The following COL5A2 variants were observed in gnomAD, a reference collection of about 807,000 sequenced individuals.
COL5A2 encodes the protein collagen alpha-2(V) chain.
Under a neutral mutation model 208.2 loss-of-function variants are expected in COL5A2, and 23 were observed. That is an observed-to-expected ratio of 0.11 (90% CI 0.08 to 0.16). The LOEUF (loss-of-function observed/expected upper bound fraction) is 0.16. Among genes scored for constraint, COL5A2 ranks in the 10% least tolerant of loss-of-function variants. The probability of loss-of-function intolerance (pLI) is 1.00; values close to 1 mark genes in which losing one functional copy is unlikely to be tolerated. For synonymous variants in COL5A2, 625 were observed against 628.5 expected (o/e 0.99, Z 0.08); for missense variants, 1,590 against 1,956.4 (o/e 0.81, Z 3.53).
chr2:189,438,362 T>C, the COL5A2 span, among the ~76,000 whole-genome samples: 3 of 152,250 alleles, frequency 2.0e-5, no homozygotes, highest in African/African-American at 7.2e-5. Context: ...CATTTGCTGG[T>C]ATTTATCCTA....
At chr2:189,066,274 T>C in intron 23 of COL5A2, 116 bp downstream of exon 23, 1 of 956,310 alleles carries the variant, frequency 1.0e-6, no homozygotes, top group African/African-American at 1.6e-5. Flanking sequence ...TGTACTGAAC[T>C]GTGCAGGGAA....
At chr2:189,432,494 A>T in the COL5A2 span, among the ~76,000 whole-genome samples, 10 of 152,202 alleles carry the variant, frequency 6.6e-5, no homozygotes, top group African/African-American at 2.2e-4. Context: ...AAGACCTACC[A>T]AGCAAATGGA....
At chr2:189,274,047 T>C in the COL5A2 span, among the ~76,000 whole-genome samples, 2 of 152,252 alleles carry the variant, frequency 1.3e-5, no homozygotes, top group East Asian at 3.9e-4. Flanking sequence ...ATGCATATGT[T>C]AAATAGCTTG....
At chr2:189,261,863 T>A in the COL5A2 span, among the ~76,000 whole-genome samples, 3 of 152,252 alleles carry the variant, frequency 2.0e-5, no homozygotes, top group African/African-American at 7.2e-5. Context: ...ACAGACCATC[T>A]AAAAGGTAGC....
the COL5A2 span, among the ~76,000 whole-genome samples, chr2:189,271,336 A>G: frequency 5.3e-5 from 8 of 151,944 alleles, no homozygotes. Flanking sequence ...CAGAACAGAG[A>G]CCTCAGAAAT....
At chr2:189,042,841 T>C (rs1685588254) in intron 48 of COL5A2, 68 bp from the exon 49 acceptor site, 1 of 1,445,332 alleles carries the variant, frequency 6.9e-7, no homozygotes. Context: ...TTCTCAAAAA[T>C]GTGCTATCAT....
the COL5A2 span, among the ~76,000 whole-genome samples, chr2:189,274,205 T>C: frequency 1.3e-5 from 2 of 152,158 alleles, no homozygotes; most frequent in Non-Finnish European, 2.9e-5. Flanking sequence ...AAATAAGGTA[T>C]AACCCAGATA....
chr2:189,230,206 C>T (rs1381230932), upstream of COL5A2, among the ~76,000 whole-genome samples: 1 of 151,700 alleles, frequency 6.6e-6, no homozygotes, highest in African/African-American at 2.4e-5. Flanking sequence ...AAACACAATA[C>T]CTGAAACTAT....
the COL5A2 span, among the ~76,000 whole-genome samples, chr2:189,275,686 C>T: frequency 2.6e-5 from 4 of 151,832 alleles, no homozygotes; most frequent in East Asian, 1.9e-4. Context: ...CTCCTGACCT[C>T]GTGATCTGCC....
At chr2:189,290,626 A>G in the COL5A2 span, among the ~76,000 whole-genome samples, 1 of 151,926 alleles carries the variant, frequency 6.6e-6, no homozygotes, top group Non-Finnish European at 1.5e-5. Flanking sequence ...AAAAAGAGAG[A>G]TAACACATGT....
intron 1 of COL5A2, among the ~76,000 whole-genome samples, chr2:189,201,550 T>C (rs1689068080): frequency 6.6e-6 from 1 of 151,890 alleles, no homozygotes; most frequent in Admixed American, 6.6e-5. Context: ...AAAGAGATAT[T>C]CAAAAAGATA....
the COL5A2 span, among the ~76,000 whole-genome samples, chr2:189,236,002 TAA>T: frequency 7.2e-6 from 1 of 137,934 alleles, no homozygotes; most frequent in African/African-American, 2.6e-5. Context: ...CATCCCCCAA[TAA>T]AAAAAAAAAA....
At chr2:189,087,291 A>G (rs1159299722) in intron 8 of COL5A2, among the ~76,000 whole-genome samples, 1 of 152,232 alleles carries the variant, frequency 6.6e-6, no homozygotes, top group Non-Finnish European at 1.5e-5. Context: ...TTCACAACAT[A>G]GATTGAAACT....
the COL5A2 span, among the ~76,000 whole-genome samples, chr2:189,252,484 A>C: frequency 6.6e-5 from 10 of 152,222 alleles, no homozygotes; most frequent in African/African-American, 1.2e-4. Flanking sequence ...AGCTGGAAAC[A>C]ATCATTCTCA....
At chr2:189,416,842 T>C in the COL5A2 span, among the ~76,000 whole-genome samples, 4 of 152,228 alleles carry the variant, frequency 2.6e-5, no homozygotes, top group African/African-American at 9.6e-5. Context: ...CTGAATTTGC[T>C]CTCCTAATAT....
chr2:189,271,218 G>C, the COL5A2 span, among the ~76,000 whole-genome samples: 2 of 151,968 alleles, frequency 1.3e-5, no homozygotes, highest in African/African-American at 4.8e-5. Context: ...CAAGCAAAAA[G>C]AACAAAGCTG....
At chr2:189,107,467 G>C (rs1687173788) in intron 2 of COL5A2, among the ~76,000 whole-genome samples, 1 of 151,110 alleles carries the variant, frequency 6.6e-6, no homozygotes. Context: ...GGGTTTTTAT[G>C]GGACCATGTT....
chr2:189,203,245 G>T (rs1053196574), intron 1 of COL5A2, among the ~76,000 whole-genome samples: 4 of 152,104 alleles, frequency 2.6e-5, no homozygotes, highest in African/African-American at 7.2e-5. Flanking sequence ...AGCCAAAAAA[G>T]CATAGAATGA....
intron 16 of COL5A2, among the ~76,000 whole-genome samples, chr2:189,077,845 T>C (rs939550794): frequency 6.6e-6 from 1 of 152,054 alleles, no homozygotes; most frequent in African/African-American, 2.4e-5. Context: ...CTTGAAATAA[T>C]AGAGGAAAGG....
Sources: gnomAD v4.1 joint callset for allele counts (sites outside exome capture counted in the v4.1 genomes callset) on GRCh38, gnomAD v4.1.1 for gene constraint, MANE v1.5 for transcripts, NCBI Gene and HGNC (gene_info 2026-07-23, HGNC 2026-07-21) for gene names.